The following GFM2 variants were observed in gnomAD, a reference collection of about 807,000 sequenced individuals.
The protein encoded by GFM2 is ribosome-releasing factor 2, mitochondrial.
GFM2 carries 72 observed loss-of-function variants against 95.4 expected under a neutral mutation model. The ratio of observed to expected loss-of-function variants is 0.76; its 90% CI spans 0.62 to 0.92. GFM2 has a LOEUF of 0.92. Among genes scored for constraint, GFM2 ranks in the 40% least tolerant of loss-of-function variants. The probability of loss-of-function intolerance (pLI) is 0.00; values close to 1 mark genes in which losing one functional copy is unlikely to be tolerated. For synonymous variants in GFM2, 276 were observed against 317.5 expected, an observed-to-expected ratio of 0.87 and a Z score of 1.39; for missense variants, 825 against 924.1, an observed-to-expected ratio of 0.89 and a Z score of 1.39.
intron 15 of GFM2, chr5:74,736,538 A>G: frequency 7.7e-7 from 1 of 1,297,484 alleles, no homozygotes; most frequent in Non-Finnish European, 9.8e-7. Flanking sequence ...AATTACTTAG[A>G]ATCCCATAGA....
intron 19 of GFM2, 60 bp from the exon 20 acceptor site, chr5:74,722,621 G>T: frequency 1.5e-6 from 2 of 1,356,376 alleles, no homozygotes; most frequent in Non-Finnish European, 2.0e-6. Context: ...AATAAATACA[G>T]CCTAGAGCTC....
chr5:74,752,442 C>A (rs1473462246), intron 5 of GFM2, among the ~76,000 whole-genome samples: 4 of 151,986 alleles, frequency 2.6e-5, no homozygotes, highest in African/African-American at 9.7e-5. Flanking sequence ...GTCTAAACAC[C>A]AGAGGAGGAA....
rs16872242 is a variant in GFM2, at chr5:74,751,611, G to A, written c.305-118C>T. On this transcript the variant is annotated intron_variant, in intron 5 of 20. Coordinates refer to ENST00000296805, the MANE Select transcript of GFM2 (RefSeq NM_032380.5). ...AGAAAAATCTTTCCTAAAATATTTG[G>A]TTTAATAGAGCCTTTACTCTTTCAC... 84,323 of 685,586 alleles carry A rather than the reference G, an allele frequency of 0.12. 5,926 individuals carry two copies. Among genetic ancestry groups the A allele is most frequent in the African/African-American group, 0.22 (12,312 of 54,740 alleles). 42.5% of individuals were successfully genotyped at this position (685,586 alleles called of 1,614,324 possible).
Position 74,722,408 on chromosome 5 carries a change from TAAC to T in GFM2, c.2179_2181del (p.Val727del). ...ATTTCTGCTAAGGGAACAAATCCAATAACAACTTTGTTGTCCTGGCGAGTCTGA... is the reference window on the plus strand; with the variant it reads ...ATTTCTGCTAAGGGAACAAATCCAATAACTTTGTTGTCCTGGCGAGTCTGA... On this transcript the variant is annotated inframe_deletion, in exon 20 of 21. Transcript: ENST00000296805. 6.2e-7 allele frequency: 1 copy of T among 1,613,816 alleles called. No individual in the cohort carries two copies.
chr5:74,734,619 TCAAA>T (rs142542302), intron 15 of GFM2, among the ~76,000 whole-genome samples: 4 of 152,326 alleles, frequency 2.6e-5, no homozygotes, highest in East Asian at 3.9e-4. Flanking sequence ...ATACAGATAC[TCAAA>T]CAGAGTACAT....
Position 74,738,527 on chromosome 5 carries a change from T to C in GFM2, c.1195A>G (p.Ile399Val). The C allele has an allele frequency of 6.2e-7, 1 of 1,613,392 alleles. No individual in the cohort carries two copies. The highest frequency in any genetic ancestry group is 8.5e-7 in the Non-Finnish European group (1 of 1,179,654). ...GTGCAGTTTCCATTAATATTATGAATGGCCAACTGGGGTTTTATAGTGCCT... is the reference window on the plus strand; with the variant it reads ...GTGCAGTTTCCATTAATATTATGAACGGCCAACTGGGGTTTTATAGTGCCT... Reference protein sequence around the residue: ...YSGTIKPQLAIHNINGNCTER... With the variant: ...YSGTIKPQLAVHNINGNCTER... Residue 399 changes from isoleucine (I) to valine (V), a missense_variant, in exon 13 of 21, where the codon ATT becomes GTT. Ile to Val is a conservative substitution (Grantham distance 29, BLOSUM62 3). Transcript: ENST00000296805.
intron 20 of GFM2, 73 bp downstream of exon 20, chr5:74,722,306 A>G (rs1749933220): frequency 8.6e-7 from 1 of 1,169,360 alleles, no homozygotes; most frequent in South Asian, 1.4e-5. Flanking sequence ...CAGGTTACTG[A>G]TTGTCTATTC....
chr5:74,726,297 C>T (rs373428129), intron 17 of GFM2, among the ~76,000 whole-genome samples, 171 bp from the exon 18 acceptor site: 1 of 152,096 alleles, frequency 6.6e-6, no homozygotes, highest in Non-Finnish European at 1.5e-5. Flanking sequence ...AAGAGCTCTA[C>T]CAACAAAGCA....
At chr5:74,729,830 A>G (rs765037749) in intron 17 of GFM2, among the ~76,000 whole-genome samples, 1 of 152,200 alleles carries the variant, frequency 6.6e-6, no homozygotes, top group African/African-American at 2.4e-5. Context: ...ATTTGGGAAT[A>G]GAAGTATAAA....
chr5:74,753,288 TTAAG>T (rs1440801134), intron 5 of GFM2, among the ~76,000 whole-genome samples: 13 of 152,110 alleles, frequency 8.5e-5, no homozygotes, highest in Non-Finnish European at 1.3e-4. Flanking sequence ...AGCAATAGAA[TTAAG>T]TAAGTAGAAG....
intron 15 of GFM2, chr5:74,733,312 G>T: frequency 1.5e-5 from 5 of 337,168 alleles, no homozygotes; most frequent in Admixed American, 4.7e-5. Context: ...GCAACATGGC[G>T]AAACCCCGTC....
intron 9 of GFM2, 87 bp downstream of exon 9, chr5:74,746,018 G>A: frequency 9.0e-7 from 1 of 1,109,252 alleles, no homozygotes; most frequent in Non-Finnish European, 1.3e-6. Flanking sequence ...CTTCAAAAAT[G>A]ATGAGATAGC....
chr5:74,766,993 GAGGCGCGAGCCGCGCCAA>G lies in GFM2; in HGVS notation c.-98_-81del, dbSNP rs1744665073. 2 of 228,178 alleles carry G rather than the reference GAGGCGCGAGCCGCGCCAA, an allele frequency of 8.8e-6. No individual in the cohort carries two copies. The highest frequency in any genetic ancestry group is 5.2e-5 in the Admixed American group (1 of 19,158). 14.1% of individuals were successfully genotyped at this position (228,178 alleles called of 1,614,324 possible). A position where few individuals can be genotyped will look rare whatever the true frequency, so the allele number is the denominator to read the frequency against. On this transcript the variant is annotated 5_prime_UTR_variant, in exon 1 of 21. Coordinates refer to ENST00000296805, the MANE Select transcript of GFM2 (RefSeq NM_032380.5). ...TCTCACCGCTGGGCTCTTGAAGCAG[GAGGCGCGAGCCGCGCCAA>G]AGTCTGCAACGGCCTCAAGTCTCGA...
chr5:74,728,537 T>C (rs921703065), intron 17 of GFM2, among the ~76,000 whole-genome samples: 10 of 152,088 alleles, frequency 6.6e-5, no homozygotes, highest in African/African-American at 2.2e-4. Flanking sequence ...TTTAAACCCA[T>C]GTTGTTCAAG....
chr5:74,721,842 C>G, intron 20 of GFM2, 59 bp from the exon 21 acceptor site: 1 of 1,497,314 alleles, frequency 6.7e-7, no homozygotes, highest in Non-Finnish European at 9.1e-7. Flanking sequence ...GTTTCTCTTC[C>G]TGCTGATTAT....
Position 74,760,932 on chromosome 5 carries a change from G to T in GFM2, c.118C>A (p.Pro40Thr). The change falls in exon 3 of 21, where the codon CCG becomes ACG. Residue 40 changes from proline (P) to threonine (T), a missense_variant. Transcript: ENST00000296805. ...AGAGAACTGCAATTTCTTCCAAGCG[G>T]CACATGTGGCTTTAATCTTTTTAAA... is the stretch of plus-strand genomic sequence containing the variant. ...ASLKRLKPHVPLGRNCSSLPG... is the reference protein window; with the variant it reads ...ASLKRLKPHVTLGRNCSSLPG... 1 of 1,610,332 alleles carries T rather than the reference G, an allele frequency of 6.2e-7. No homozygotes were observed. Among genetic ancestry groups the T allele is most frequent in the Non-Finnish European group, 8.5e-7 (1 of 1,176,974 alleles).
intron 5 of GFM2, 33 bp downstream of exon 5, chr5:74,758,816 G>C (rs556914023): frequency 1.6e-6 from 2 of 1,277,604 alleles, no homozygotes; most frequent in South Asian, 1.2e-5. Flanking sequence ...TTTTGCTAAT[G>C]GGGGGGTGGG....
intron 10 of GFM2, among the ~76,000 whole-genome samples, chr5:74,742,510 G>A (rs1284882178): frequency 6.6e-6 from 1 of 152,076 alleles, no homozygotes; most frequent in Non-Finnish European, 1.5e-5. Context: ...TTCAAATTAT[G>A]CTTTAAGAAT....
In GFM2 at chr5:74,721,230, A is replaced by AAATCATGTAAAAT. The variant is rs1240496457; in HGVS notation, c.*412_*424dup. On this transcript the variant is annotated 3_prime_UTR_variant, in exon 21 of 21. Transcript: ENST00000296805. ...CTGTACTACAATCAACTTTATTTTG[A>AAATCATGTAAAAT]AATCATGTAAAATAAGATATTAGAC... The AAATCATGTAAAAT allele has an allele frequency of 1.3e-5, 17 of 1,295,542 alleles. No homozygotes were observed. In the African/African-American group the frequency reaches 2.2e-4, roughly 17 times the overall value. 80.3% of individuals were successfully genotyped at this position (1,295,542 alleles called of 1,614,324 possible). A position where few individuals can be genotyped will look rare whatever the true frequency, so the allele number is the denominator to read the frequency against.
Sources: gnomAD v4.1 joint callset for allele counts (sites outside exome capture counted in the v4.1 genomes callset) on GRCh38, gnomAD v4.1.1 for gene constraint, MANE v1.5 for transcripts, NCBI Gene and HGNC (gene_info 2026-07-23, HGNC 2026-07-21) for gene names.